RBFOX1: variants seen among roughly 807,000 people sequenced by gnomAD.
RBFOX1 encodes RNA binding protein fox-1 homolog 1.
In RBFOX1, 8 loss-of-function variants were observed where a neutral mutation model predicts 57.7. The observed-to-expected ratio is 0.14, with a 90% CI of 0.08 to 0.25. RBFOX1 has a LOEUF of 0.25. Ranked by LOEUF, RBFOX1 falls within the 10% of genes least tolerant of loss-of-function variation. The probability of loss-of-function intolerance (pLI) is 1.00; values close to 1 mark genes in which losing one functional copy is unlikely to be tolerated. For missense variants in RBFOX1, 611 were observed against 548.5 expected (o/e 1.11, Z -1.14); for synonymous variants, 326 against 222.4 (o/e 1.47, Z -4.15).
intron 6 of RBFOX1, 147 bp from the exon 7 acceptor site, chr16:7,587,100 T>A: frequency 9.4e-7 from 1 of 1,061,228 alleles, no homozygotes; most frequent in Non-Finnish European, 1.2e-6. Flanking sequence ...TTTTCTCTTG[T>A]TTCAAGCACA....
chr16:7,041,401 T>G (rs1015117703), intron 3 of RBFOX1, among the ~76,000 whole-genome samples: 5 of 152,148 alleles, frequency 3.3e-5, no homozygotes, highest in Admixed American at 6.6e-5. Context: ...AGAAAAAGTT[T>G]TTCAATTCCT....
At chr16:6,513,718 G>A (rs913974140) in intron 2 of RBFOX1, among the ~76,000 whole-genome samples, 1 of 152,034 alleles carries the variant, frequency 6.6e-6, no homozygotes, top group Admixed American at 6.5e-5. Flanking sequence ...TGGGGGACAA[G>A]AGTGAGACTT....
In RBFOX1 at chr16:6,752,547, C is replaced by G. The variant is rs554281754; in HGVS notation, c.-16+97897C>G. Reference sequence around the variant, plus strand: ...GTTCATCTTTGAAAGCAAGTTAGCGCATTCCTAAAGAATAGAGTGATACTC... The same window carrying G: ...GTTCATCTTTGAAAGCAAGTTAGCGGATTCCTAAAGAATAGAGTGATACTC... On this transcript the variant is annotated intron_variant, in intron 3 of 15. Coordinates refer to ENST00000550418, the MANE Select transcript of RBFOX1 (RefSeq NM_018723.4). Among the ~76,000 whole-genome samples the G allele has an allele frequency of 3.9e-4, 59 of 152,310 alleles. 1 individual carries two copies. The South Asian group carries it at 0.011, about 28-fold the overall frequency.
chr16:7,590,170 G>A (rs2094366203), intron 7 of RBFOX1, among the ~76,000 whole-genome samples: 1 of 152,008 alleles, frequency 6.6e-6, no homozygotes. Context: ...GGGAGGCTGA[G>A]GCAGGAGGAT....
intron 2 of RBFOX1, among the ~76,000 whole-genome samples, chr16:6,404,094 G>GCGTC: frequency 6.6e-6 from 1 of 152,024 alleles, no homozygotes; most frequent in East Asian, 1.9e-4. Flanking sequence ...CATGGACTCG[G>GCGTC]CATCCATGGA....
intron 3 of RBFOX1, among the ~76,000 whole-genome samples, chr16:5,856,504 A>G (rs2057061234): frequency 7.9e-6 from 1 of 126,328 alleles, no homozygotes; most frequent in Admixed American, 8.4e-5. Context: ...AATTTTGTGC[A>G]TTTTGACCAA....
At chr16:5,628,189 C>T (rs572022647) in intron 3 of RBFOX1, among the ~76,000 whole-genome samples, 1 of 152,168 alleles carries the variant, frequency 6.6e-6, no homozygotes, top group African/African-American at 2.4e-5. Context: ...ATCAGATAGT[C>T]TATTGAGAAA....
chr16:6,980,997 C>T (rs914135307), intron 3 of RBFOX1, among the ~76,000 whole-genome samples: 2 of 133,812 alleles, frequency 1.5e-5, no homozygotes, highest in African/African-American at 6.1e-5. Flanking sequence ...CTGCCGAGAT[C>T]ACGCCACTGC....
chr16:6,487,680 AAAAAAAAAAAAAAAAAAAAAAT>A (rs1333871538), intron 2 of RBFOX1, among the ~76,000 whole-genome samples: 8 of 9,328 alleles, frequency 8.6e-4, no homozygotes, highest in Non-Finnish European at 1.3e-3. Flanking sequence ...ATGTAAAAAA[AAAAAAAAAAAAAAAAAAAAAAT>A]ATATATATAT....
chr16:7,363,130 G>A (rs1432442326), intron 4 of RBFOX1, among the ~76,000 whole-genome samples: 1 of 152,144 alleles, frequency 6.6e-6, no homozygotes, highest in Non-Finnish European at 1.5e-5. Flanking sequence ...TGTGACTGCT[G>A]GGGCTGTTGT....
chr16:6,132,974 A>AGAAAAG (rs71280728), intron 1 of RBFOX1, among the ~76,000 whole-genome samples: 1 of 148,028 alleles, frequency 6.8e-6, no homozygotes, highest in East Asian at 2.0e-4. Context: ...CAAAAAAAAA[A>AGAAAAG]AAAAGAAAAG....
At chr16:7,004,416 G>C (rs965053319) in intron 3 of RBFOX1, among the ~76,000 whole-genome samples, 4 of 152,164 alleles carry the variant, frequency 2.6e-5, no homozygotes, top group African/African-American at 9.7e-5. Context: ...AGAGACCCAA[G>C]CTGGTCAGCA....
At chr16:6,816,898 C>G (rs1388629566) in intron 3 of RBFOX1, among the ~76,000 whole-genome samples, 7 of 151,926 alleles carry the variant, frequency 4.6e-5, no homozygotes, top group African/African-American at 1.5e-4. Flanking sequence ...GTAAATACCA[C>G]CATGCCTAGC....
At chr16:5,679,935 C>G (rs1041043962) in intron 3 of RBFOX1, among the ~76,000 whole-genome samples, 1 of 152,166 alleles carries the variant, frequency 6.6e-6, no homozygotes, top group Non-Finnish European at 1.5e-5. Flanking sequence ...TTCATGCTTC[C>G]TGTCATTGCT....
chr16:7,313,492 T>C (rs1289679012), intron 4 of RBFOX1, among the ~76,000 whole-genome samples: 2 of 148,490 alleles, frequency 1.3e-5, no homozygotes, highest in Non-Finnish European at 3.0e-5. Context: ...TTTTTAAGGC[T>C]CTTTGGTTCC....
intron 4 of RBFOX1, among the ~76,000 whole-genome samples, chr16:7,108,364 GA>G (rs1301007854): frequency 1.3e-5 from 2 of 152,114 alleles, no homozygotes; most frequent in Admixed American, 1.3e-4. Flanking sequence ...TTTGCTTCCT[GA>G]ATAATTTGAA....
intron 1 of RBFOX1, among the ~76,000 whole-genome samples, chr16:5,459,660 C>G (rs1409624523): frequency 1.3e-5 from 2 of 152,082 alleles, no homozygotes; most frequent in African/African-American, 4.8e-5. Context: ...ACCAAAAAAG[C>G]AAGTCGGGAA....
intron 2 of RBFOX1, among the ~76,000 whole-genome samples, chr16:6,487,144 C>CTCTGTGTGTGTG (rs1555498826): frequency 9.3e-5 from 13 of 140,116 alleles, no homozygotes; most frequent in African/African-American, 2.9e-4. Context: ...TGTGGGGTTT[C>CTCTGTGTGTGTG]TGTGTGTGTG....
At chr16:7,379,921 T>A (rs1412489465) in intron 4 of RBFOX1, among the ~76,000 whole-genome samples, 1 of 152,208 alleles carries the variant, frequency 6.6e-6, no homozygotes, top group African/African-American at 2.4e-5. Flanking sequence ...GGCACCATCA[T>A]ATCTCACCCC....
Sources: allele counts gnomAD v4.1 joint callset (sites outside exome capture counted in the v4.1 genomes callset), GRCh38; gene constraint gnomAD v4.1.1; transcripts MANE v1.5; gene names NCBI Gene and HGNC (gene_info 2026-07-23, HGNC 2026-07-21).